SLC26A7: variants seen among roughly 807,000 people sequenced by gnomAD.
The protein encoded by SLC26A7 is anion exchange transporter.
A neutral mutation model predicts 82.5 loss-of-function variants in SLC26A7; 59 were observed. The observed-to-expected ratio is 0.72, with a 90% confidence interval of 0.58 to 0.89. The LOEUF (loss-of-function observed/expected upper bound fraction) is 0.89. SLC26A7 is among the 40% of genes least tolerant of loss of function. The pLI is 0.00. For synonymous variants in SLC26A7, 271 were observed against 274.3 expected (o/e 0.99, Z 0.12); for missense variants, 820 against 793.0 (o/e 1.03, Z -0.41).
intron 13 of SLC26A7, among the ~76,000 whole-genome samples, chr8:91,365,278 T>G (rs554871022): frequency 6.6e-6 from 1 of 152,326 alleles, no homozygotes; most frequent in South Asian, 2.1e-4. Context: ...GGGCCACACA[T>G]AAAATACACT....
At chr8:91,220,202 G>T (rs1810136034) in intron 2 of SLC26A7, among the ~76,000 whole-genome samples, 1 of 151,980 alleles carries the variant, frequency 6.6e-6, no homozygotes, top group South Asian at 2.1e-4. Context: ...CATTAACCAA[G>T]AATGCATTTT....
intron 2 of SLC26A7, among the ~76,000 whole-genome samples, chr8:91,270,074 T>C (rs1185107769): frequency 2.0e-5 from 3 of 152,168 alleles, no homozygotes; most frequent in East Asian, 1.9e-4. Context: ...ATTTCATAGA[T>C]TGTCAATTCT....
intron 2 of SLC26A7, among the ~76,000 whole-genome samples, chr8:91,242,831 C>T (rs1208576372): frequency 1.3e-5 from 2 of 152,184 alleles, no homozygotes; most frequent in East Asian, 3.9e-4. Flanking sequence ...GTACAGATAA[C>T]AAAATTTGGA....
At position 91,295,547 on chromosome 8, in the gene SLC26A7, A is replaced by G; in HGVS notation, c.321A>G (p.Thr107=). The change falls in exon 4 of 19, where the codon ACA becomes ACG. Residue 107 remains threonine, a synonymous_variant. Coordinates refer to ENST00000276609, the MANE Select transcript of SLC26A7 (RefSeq NM_052832.4). The part of the protein sequence containing the change: ...HHVATGTFAL[T]SLISANAVER... Reference sequence around the variant, plus strand: ...TGGTTTCAGGCACCTTTGCCTTGACATCCTTAATATCAGCCAACGCCGTGG... The same window carrying G: ...TGGTTTCAGGCACCTTTGCCTTGACGTCCTTAATATCAGCCAACGCCGTGG... 1.2e-6 allele frequency: 2 copies of G among 1,612,782 alleles called. No homozygotes were observed. Among genetic ancestry groups the G allele is most frequent in the South Asian group, 1.1e-5 (1 of 90,642 alleles).
intron 2 of SLC26A7, among the ~76,000 whole-genome samples, chr8:91,258,255 T>C (rs568035472): frequency 1.8e-4 from 28 of 152,116 alleles, no homozygotes; most frequent in Non-Finnish European, 4.0e-4. Flanking sequence ...TCTTAACTCT[T>C]CCTTCCTAGC....
chr8:91,393,791 T>A lies in SLC26A7; in HGVS notation c.1777-6T>A. ...AATTGTGGGTATCCTATTTTAATTC[T>A]TCCAGGTTTACATGGACTGTAAAGG... On this transcript the variant is annotated splice_region_variant and splice_polypyrimidine_tract_variant and intron_variant, in intron 16 of 18. Transcript: ENST00000276609. 6.2e-7 allele frequency: 1 copy of A among 1,613,394 alleles called. No individual in the cohort carries two copies. Among genetic ancestry groups the A allele is most frequent in the African/African-American group, 1.3e-5 (1 of 75,044 alleles).
intron 2 of SLC26A7, among the ~76,000 whole-genome samples, chr8:91,234,089 T>C (rs749329069): frequency 1.3e-5 from 2 of 152,244 alleles, no homozygotes; most frequent in Non-Finnish European, 2.9e-5. Flanking sequence ...ATTTTCCTAA[T>C]CAACTTAGTT....
chr8:91,340,682 A>C (rs1197112536), intron 8 of SLC26A7, 131 bp downstream of exon 8: 2 of 1,064,194 alleles, frequency 1.9e-6, no homozygotes, highest in Non-Finnish European at 2.7e-6. Context: ...TTGAACAAAA[A>C]AAAAGAAAAA....
intron 2 of SLC26A7, chr8:91,219,192 TG>T (rs2130660655): frequency 2.6e-6 from 1 of 381,130 alleles, no homozygotes; most frequent in East Asian, 3.8e-5. Context: ...AGATTCTAGG[TG>T]TGCTTTTTTT....
rs1814897269 is a variant in SLC26A7 at position 91,389,552 on chromosome 8, C to T, written c.1776+114C>T. The stretch of plus-strand genomic sequence containing the variant: ...TGCTTGTTGCAATACTCATCTCACC[C>T]CATTATTTACAAAGGACGTAGAACT... On this transcript the variant is annotated intron_variant, in intron 16 of 18. Coordinates refer to ENST00000276609, the MANE Select transcript of SLC26A7 (RefSeq NM_052832.4). The T allele has an allele frequency of 5.3e-6, 4 of 759,772 alleles. No homozygotes were observed. In the Admixed American group the frequency reaches 8.4e-5, roughly 16 times the overall value. 47.1% of individuals were successfully genotyped at this position (759,772 alleles called of 1,614,324 possible).
chr8:91,324,700 T>A (rs539571562), intron 5 of SLC26A7, among the ~76,000 whole-genome samples: 2 of 152,212 alleles, frequency 1.3e-5, no homozygotes, highest in South Asian at 4.1e-4. Flanking sequence ...GACAAACAAA[T>A]TGGCAAATGA....
chr8:91,345,428 A>T (rs1355851648), intron 9 of SLC26A7, among the ~76,000 whole-genome samples: 6 of 152,186 alleles, frequency 3.9e-5, no homozygotes, highest in African/African-American at 1.4e-4. Flanking sequence ...CTCTGGCATA[A>T]GTAGACTTGC....
rs1392008163 is a variant in SLC26A7 at position 91,395,856 on chromosome 8, A to C, written c.*759A>C. The stretch of plus-strand genomic sequence containing the variant: ...TACCCAATAAGAGGCTCTGTTTTCC[A>C]CTGAAGCTTTGTTGGAGAAAGAGAA... On this transcript the variant is annotated 3_prime_UTR_variant, in exon 19 of 19. Coordinates refer to ENST00000276609, the MANE Select transcript of SLC26A7 (RefSeq NM_052832.4). 1 of 152,064 alleles carries C rather than the reference A, an allele frequency of 6.6e-6. No individual in the cohort carries two copies. The highest frequency in any genetic ancestry group is 1.9e-4 in the East Asian group (1 of 5,204). 9.4% of individuals were successfully genotyped at this position (152,064 alleles called of 1,614,324 possible).
At chr8:91,262,572 G>T (rs1466282582) in intron 2 of SLC26A7, among the ~76,000 whole-genome samples, 1 of 151,970 alleles carries the variant, frequency 6.6e-6, no homozygotes, top group Non-Finnish European at 1.5e-5. Context: ...GTCATGTGTT[G>T]GTGTCCCCCG....
chr8:91,380,673 C>T (rs944418683), intron 15 of SLC26A7, among the ~76,000 whole-genome samples: 26 of 152,228 alleles, frequency 1.7e-4, no homozygotes, highest in Middle Eastern at 3.4e-3. Flanking sequence ...TGGAGCATTT[C>T]GGATTTTGCA....
intron 14 of SLC26A7, among the ~76,000 whole-genome samples, chr8:91,369,562 CTGA>C (rs1352523393): frequency 5.9e-5 from 9 of 151,900 alleles, no homozygotes; most frequent in Non-Finnish European, 8.8e-5. Context: ...AGAAGACAGT[CTGA>C]TAACATAAAT....
At chr8:91,394,269 C>G in intron 18 of SLC26A7, 1 of 1,613,370 alleles carries the variant, frequency 6.2e-7, no homozygotes, top group Non-Finnish European at 8.5e-7. Context: ...AATGCCACCG[C>G]TCTGAGGATT....
intron 9 of SLC26A7, among the ~76,000 whole-genome samples, chr8:91,349,593 A>G (rs529721080): frequency 9.8e-5 from 15 of 152,304 alleles, no homozygotes; most frequent in East Asian, 7.7e-4. Context: ...AATTCAGTAC[A>G]TATTTTATAT....
chr8:91,317,426 T>A lies in SLC26A7; in HGVS notation c.478-790T>A, dbSNP rs118094328. On this transcript the variant is annotated intron_variant, in intron 4 of 18. Coordinates refer to ENST00000276609, the MANE Select transcript of SLC26A7 (RefSeq NM_052832.4). ...TGCCACATATACAAATAAGTCCTAATGTATTCTTATTAAATATTAGCCCTT... is the reference window on the plus strand; with the variant it reads ...TGCCACATATACAAATAAGTCCTAAAGTATTCTTATTAAATATTAGCCCTT... Among the ~76,000 whole-genome samples, 88 of 152,326 alleles carry A rather than the reference T, an allele frequency of 5.8e-4. 1 individual carries two copies. The East Asian group carries it at 0.017, about 29-fold the overall frequency.
Sources: gnomAD v4.1 joint callset for allele counts (sites outside exome capture counted in the v4.1 genomes callset) on GRCh38, gnomAD v4.1.1 for gene constraint, MANE v1.5 for transcripts, NCBI Gene and HGNC (gene_info 2026-07-23, HGNC 2026-07-21) for gene names.